TRERF1: variants seen among roughly 807,000 people sequenced by gnomAD.
TRERF1 encodes the protein transcriptional-regulating factor 1.
Under a neutral mutation model 122.9 loss-of-function variants are expected in TRERF1, and 27 were observed. The ratio of observed to expected loss-of-function variants is 0.22; its 90% CI spans 0.16 to 0.30. The LOEUF (loss-of-function observed/expected upper bound fraction) is 0.30, where lower values mean the gene tolerates loss of function less well. TRERF1 is among the 10% of genes least tolerant of loss of function. The probability of loss-of-function intolerance (pLI) is 1.00; values close to 1 mark genes in which losing one functional copy is unlikely to be tolerated. For synonymous variants in TRERF1, 636 were observed against 641.7 expected (o/e 0.99, Z 0.13); for missense variants, 1,248 against 1,560.3 (o/e 0.80, Z 3.37).
chr6:42,379,516 T>C (rs1226325525), intron 2 of TRERF1, among the ~76,000 whole-genome samples: 1 of 152,126 alleles, frequency 6.6e-6, no homozygotes. Flanking sequence ...GGGCACTTAC[T>C]ATATGTCAGG....
intron 2 of TRERF1, among the ~76,000 whole-genome samples, chr6:42,400,331 T>C (rs1379142185): frequency 6.6e-6 from 1 of 152,202 alleles, no homozygotes; most frequent in Non-Finnish European, 1.5e-5. Context: ...CAGCCCAGCA[T>C]GCAAACACAT....
At chr6:42,378,995 TGTAGTCCCAAGCTACGCA>T (rs1424017891) in intron 2 of TRERF1, among the ~76,000 whole-genome samples, 1 of 151,984 alleles carries the variant, frequency 6.6e-6, no homozygotes, top group African/African-American at 2.4e-5. Flanking sequence ...GGCATGCACC[TGTAGTCCCAAGCTACGCA>T]GGAGGCTGAG....
At chr6:42,281,151 C>T (rs1183890653) in intron 4 of TRERF1, among the ~76,000 whole-genome samples, 1 of 152,146 alleles carries the variant, frequency 6.6e-6, no homozygotes, top group Non-Finnish European at 1.5e-5. Flanking sequence ...TTGCTCAAGG[C>T]AGATATCCTG....
chr6:42,389,182 A>G (rs937054078), intron 2 of TRERF1, among the ~76,000 whole-genome samples: 1 of 152,254 alleles, frequency 6.6e-6, no homozygotes, highest in Non-Finnish European at 1.5e-5. Context: ...AGTAGAATAC[A>G]GTTGACACTG....
At chr6:42,303,451 T>TA (rs1367350125) in intron 3 of TRERF1, among the ~76,000 whole-genome samples, 1 of 152,138 alleles carries the variant, frequency 6.6e-6, no homozygotes, top group Non-Finnish European at 1.5e-5. Context: ...AGGGGAAAGA[T>TA]AGAGAGCAAG....
chr6:42,327,324 T>C (rs149644140), intron 3 of TRERF1, among the ~76,000 whole-genome samples: 1 of 152,310 alleles, frequency 6.6e-6, no homozygotes, highest in East Asian at 1.9e-4. Context: ...GGGTTGTCCC[T>C]TTAATTCCCT....
chr6:42,428,049 G>A (rs1017151385), intron 2 of TRERF1, among the ~76,000 whole-genome samples: 2 of 152,134 alleles, frequency 1.3e-5, no homozygotes. Context: ...ATCTAGGGCC[G>A]GAAATAGGAG....
At chr6:42,233,423 C>A (rs1222749312) in intron 16 of TRERF1, among the ~76,000 whole-genome samples, 1 of 151,504 alleles carries the variant, frequency 6.6e-6, no homozygotes, top group Admixed American at 6.6e-5. Context: ...GTAGCTGGGA[C>A]TACAGGCGCC....
At chr6:42,336,853 C>T (rs1444836032) in intron 3 of TRERF1, among the ~76,000 whole-genome samples, 4 of 152,200 alleles carry the variant, frequency 2.6e-5, no homozygotes, top group Non-Finnish European at 5.9e-5. Context: ...GTTTGTTCAG[C>T]TCGTATTTAT....
At chr6:42,319,480 C>G (rs2150429653) in intron 3 of TRERF1, among the ~76,000 whole-genome samples, 1 of 152,302 alleles carries the variant, frequency 6.6e-6, no homozygotes, top group South Asian at 2.1e-4. Flanking sequence ...GAGATGATTA[C>G]AGCAGCTAAT....
At chr6:42,345,262 C>T (rs489743) in intron 3 of TRERF1, among the ~76,000 whole-genome samples, 32,303 of 152,206 alleles carry the variant, frequency 0.21, 5,501 homozygotes, top group African/African-American at 0.47. Flanking sequence ...ACACTATGTA[C>T]TATTCCTGTA....
intron 2 of TRERF1, among the ~76,000 whole-genome samples, chr6:42,391,564 A>G (rs1432236884): frequency 2.0e-5 from 3 of 152,014 alleles, no homozygotes; most frequent in African/African-American, 7.2e-5. Context: ...CCTCCTGCCC[A>G]CACCCACCAC....
chr6:42,379,443 T>C (rs1562098805), intron 2 of TRERF1, among the ~76,000 whole-genome samples: 1 of 152,136 alleles, frequency 6.6e-6, no homozygotes, highest in Non-Finnish European at 1.5e-5. Context: ...CATTTGTGTT[T>C]ATCTTTCCTT....
At position 42,268,588 on chromosome 6, in the gene TRERF1, G is replaced by A. The variant is rs1038740937; in HGVS notation, c.1003C>T (p.His335Tyr). 4.3e-6 allele frequency: 7 copies of A among 1,614,068 alleles called. No individual in the cohort carries two copies. Among genetic ancestry groups the A allele is most frequent in the East Asian group, 4.5e-5 (2 of 44,888 alleles). ...TGTTGCTGCTGCTGCTCTTGCAAGTGCTGCATCATGGGTTGGGGCTGATAA... is the reference window on the plus strand; with the variant it reads ...TGTTGCTGCTGCTGCTCTTGCAAGTACTGCATCATGGGTTGGGGCTGATAA... The change falls in exon 5 of 18, where the codon CAC becomes TAC. Residue 335 changes from histidine to tyrosine, a missense_variant. By Grantham distance (83) the His-to-Tyr change is moderately conservative. Coordinates refer to ENST00000372922, the Ensembl canonical transcript of TRERF1. The surrounding 1 kb of genome is among the most constrained non-coding windows in gnomAD (Gnocchi z 4.4).
intron 16 of TRERF1, among the ~76,000 whole-genome samples, chr6:42,233,502 G>C (rs531185844): frequency 1.3e-4 from 19 of 151,812 alleles, no homozygotes; most frequent in Admixed American, 6.6e-5. Context: ...AGCCAGGATG[G>C]TCTCGATCTC....
At chr6:42,283,930 AT>A (rs1186604366) in intron 4 of TRERF1, among the ~76,000 whole-genome samples, 1 of 152,008 alleles carries the variant, frequency 6.6e-6, no homozygotes, top group East Asian at 1.9e-4. Context: ...AAAAACCTTT[AT>A]GTGCACTTAA....
At chr6:42,404,474 C>T (rs1412769032) in intron 2 of TRERF1, among the ~76,000 whole-genome samples, 1 of 152,044 alleles carries the variant, frequency 6.6e-6, no homozygotes, top group Non-Finnish European at 1.5e-5. Flanking sequence ...TCTAAGACTC[C>T]CCCTTTTCTC....
At chr6:42,385,516 C>T (rs760083095) in intron 2 of TRERF1, among the ~76,000 whole-genome samples, 1 of 152,170 alleles carries the variant, frequency 6.6e-6, no homozygotes, top group African/African-American at 2.4e-5. Context: ...AACGCAGGTG[C>T]ACTCACACTT....
At chr6:42,366,438 C>T (rs1169468517) in intron 2 of TRERF1, among the ~76,000 whole-genome samples, 1 of 152,170 alleles carries the variant, frequency 6.6e-6, no homozygotes, top group African/African-American at 2.4e-5. Context: ...CCTATTCTTC[C>T]TGTGCAGGAG....
Sources: gnomAD v4.1 joint callset for allele counts (sites outside exome capture counted in the v4.1 genomes callset) on GRCh38, gnomAD v4.1.1 for gene constraint, Gnocchi (gnomAD v3.1) non-coding constraint, MANE v1.5 for transcripts, NCBI Gene and HGNC (gene_info 2026-07-23, HGNC 2026-07-21) for gene names.